The following NME9 variants were observed in gnomAD, a reference collection of about 807,000 sequenced individuals.
The protein encoded by NME9 is thioredoxin domain-containing protein 6.
Under a neutral mutation model 44.4 loss-of-function variants are expected in NME9, and 48 were observed. The ratio of observed to expected loss-of-function variants is 1.08; its 90% CI spans 0.86 to 1.37. The LOEUF is 1.37. Among genes scored for constraint, NME9 ranks in the 40% most tolerant of loss-of-function variants. The probability of loss-of-function intolerance (pLI) is 0.00; values close to 1 mark genes in which losing one functional copy is unlikely to be tolerated. For synonymous variants in NME9, 139 were observed against 147.1 expected, an observed-to-expected ratio of 0.94 and a Z score of 0.40; for missense variants, 325 against 405.2, an observed-to-expected ratio of 0.80 and a Z score of 1.70.
At chr3:138,321,709 G>A (rs564799575) in intron 2 of NME9, among the ~76,000 whole-genome samples, 5 of 152,204 alleles carry the variant, frequency 3.3e-5, no homozygotes, top group African/African-American at 1.2e-4. Flanking sequence ...CTGGGTATAG[G>A]AGGAATGAGG....
intron 6 of NME9, 72 bp downstream of exon 6, chr3:138,314,260 C>T: frequency 1.2e-6 from 1 of 826,624 alleles, no homozygotes; most frequent in Non-Finnish European, 2.0e-6. Flanking sequence ...ACTGAATACT[C>T]ATCTATTTTA....
Position 138,305,872 on chromosome 3 carries a change from C to A in NME9, c.636+132G>T, listed in dbSNP as rs1430874144. ...CCTATTGTCATTCTGAGAATAAATTCATGACCCACTTGCTGTTCCTATTTT... is the reference window on the plus strand; with the variant it reads ...CCTATTGTCATTCTGAGAATAAATTAATGACCCACTTGCTGTTCCTATTTT... On this transcript the variant is annotated intron_variant, in intron 8 of 10. Transcript: ENST00000333911. 5 of 694,486 alleles carry A rather than the reference C, an allele frequency of 7.2e-6. No homozygotes were observed. In the East Asian group the frequency reaches 1.2e-4, roughly 17 times the overall value. The allele number at this position is 694,486 out of a possible 1,614,324, so 43.0% of individuals were successfully genotyped here. A position where few individuals can be genotyped will look rare whatever the true frequency, so the allele number is the denominator to read the frequency against.
intron 8 of NME9, chr3:138,263,560 C>G (rs2047964763): frequency 1.6e-6 from 1 of 633,160 alleles, no homozygotes; most frequent in African/African-American, 1.8e-5. Flanking sequence ...CCTTAGTGGG[C>G]TAGACCTACC....
At position 138,304,316 on chromosome 3, in the gene NME9, C is replaced by T. The variant is rs575843462; in HGVS notation, c.791+557G>A. On this transcript the variant is annotated intron_variant, in intron 9 of 10. Transcript: ENST00000333911. ...CTAATTTCTTTCCTGTTGTCTGGGC[C>T]TGTCAGCTTCAAAGGCCAAGGTAAA... is the stretch of plus-strand genomic sequence containing the variant. 5.3e-4 allele frequency among the ~76,000 whole-genome samples: 80 copies of T among 152,338 alleles called. 1 individual carries two copies. In the South Asian group the frequency reaches 0.015, roughly 28 times the overall value.
At chr3:138,317,775 CA>C (rs1374758573) in intron 4 of NME9, among the ~76,000 whole-genome samples, 1 of 152,058 alleles carries the variant, frequency 6.6e-6, no homozygotes, top group African/African-American at 2.4e-5. Flanking sequence ...ATTCATGAGC[CA>C]AAAAGGAGCA....
At chr3:138,319,177 G>A (rs1358765607) in intron 3 of NME9, among the ~76,000 whole-genome samples, 6 of 152,130 alleles carry the variant, frequency 3.9e-5, no homozygotes, top group Non-Finnish European at 8.8e-5. Context: ...TCCAGCCTGG[G>A]TGACAGGAAA....
chr3:138,281,728 C>T (rs928632822), intron 8 of NME9, among the ~76,000 whole-genome samples: 1 of 152,098 alleles, frequency 6.6e-6, no homozygotes, highest in African/African-American at 2.4e-5. Context: ...TCTAACACTA[C>T]AAAAAGGGGA....
At chr3:138,282,286 T>C (rs2050004837) in intron 8 of NME9, among the ~76,000 whole-genome samples, 1 of 152,124 alleles carries the variant, frequency 6.6e-6, no homozygotes, top group African/African-American at 2.4e-5. Context: ...AGGAATGTGG[T>C]ATTGTGAGTC....
At chr3:138,308,114 TGGAG>T (rs1355704442) in intron 6 of NME9, among the ~76,000 whole-genome samples, 2 of 152,210 alleles carry the variant, frequency 1.3e-5, no homozygotes, top group East Asian at 3.9e-4. Flanking sequence ...GAGGAAATCA[TGGAG>T]GAGGGAAGAA....
intron 8 of NME9, among the ~76,000 whole-genome samples, chr3:138,292,532 TACTC>T (rs2051064080): frequency 1.3e-5 from 2 of 152,160 alleles, no homozygotes; most frequent in Admixed American, 6.5e-5. Context: ...CAACGGGACT[TACTC>T]ACAGATTCAG....
chr3:138,305,074 G>A (rs539811712), intron 8 of NME9, 47 bp from the exon 9 acceptor site: 2 of 1,555,068 alleles, frequency 1.3e-6, no homozygotes, highest in South Asian at 1.1e-5. Flanking sequence ...AGCTGCTAGG[G>A]CCTGCAGAGG....
At chr3:138,282,665 ATTGTATT>A (rs1460742872) in intron 8 of NME9, among the ~76,000 whole-genome samples, 1 of 150,788 alleles carries the variant, frequency 6.6e-6, no homozygotes, top group Non-Finnish European at 1.5e-5. Context: ...AGGAACACTC[ATTGTATT>A]TAATTACCTT....
chr3:138,304,869 T>A lies in NME9; in HGVS notation c.791+4A>T. 3 of 1,613,480 alleles carry A rather than the reference T, an allele frequency of 1.9e-6. No homozygotes were observed. Among genetic ancestry groups the A allele is most frequent in the Non-Finnish European group, 2.5e-6 (3 of 1,179,668 alleles). ...GATGAAAGGACCACAGCTGGTGACA[T>A]CACCTTTCTGGCTGCTCCCTCCTGG... On this transcript the variant is annotated splice_donor_region_variant and intron_variant, in intron 9 of 10. Transcript: ENST00000333911.
chr3:138,279,839 C>A (rs1046452921), intron 8 of NME9, among the ~76,000 whole-genome samples: 2 of 152,052 alleles, frequency 1.3e-5, no homozygotes, highest in African/African-American at 4.8e-5. Flanking sequence ...TTCATAATTT[C>A]TTATTCCTTT....
intron 6 of NME9, among the ~76,000 whole-genome samples, chr3:138,309,717 G>A (rs1051717136): frequency 1.3e-5 from 2 of 151,100 alleles, no homozygotes; most frequent in African/African-American, 4.9e-5. Context: ...CTGGGTGACA[G>A]AGCTAGACTG....
At chr3:138,287,622 T>G in intron 8 of NME9, 1 of 456,656 alleles carries the variant, frequency 2.2e-6, no homozygotes, top group South Asian at 1.5e-5. Flanking sequence ...TTATTCTGTT[T>G]TGTCTTAAGG....
At chr3:138,265,596 A>G (rs1384986780) in intron 8 of NME9, among the ~76,000 whole-genome samples, 1 of 152,204 alleles carries the variant, frequency 6.6e-6, no homozygotes, top group Non-Finnish European at 1.5e-5. Context: ...TTCAGGCAGG[A>G]AGAATATAAA....
chr3:138,288,849 C>A (rs970050640), intron 8 of NME9, among the ~76,000 whole-genome samples: 2 of 151,892 alleles, frequency 1.3e-5, no homozygotes, highest in African/African-American at 4.8e-5. Flanking sequence ...TGTTAATCAT[C>A]CTAGTCTCGA....
In NME9 at chr3:138,266,137, C is replaced by A. The variant is rs540957594; in HGVS notation, c.746-3551G>T. Among the ~76,000 whole-genome samples the A allele has an allele frequency of 2.6e-5, 4 of 152,316 alleles. No individual in the cohort carries two copies. The South Asian group carries it at 8.3e-4, about 32-fold the overall frequency. The stretch of plus-strand genomic sequence containing the variant: ...TGTAACATTGAACTTGACCCATTTT[C>A]ATCCATTGGCACATCTTCCTGAGTT... On this transcript the variant is annotated intron_variant, in intron 8 of 8. Coordinates refer to the NME9 transcript ENST00000317876.
Sources: gnomAD v4.1 joint callset for allele counts (sites outside exome capture counted in the v4.1 genomes callset) on GRCh38, gnomAD v4.1.1 for gene constraint, MANE v1.5 for transcripts, NCBI Gene and HGNC (gene_info 2026-07-23, HGNC 2026-07-21) for gene names.